The following RBM39 variants were observed in gnomAD, a reference collection of about 807,000 sequenced individuals.
RBM39 encodes RNA binding motif protein 39.
In RBM39, 12 loss-of-function variants were observed where a neutral mutation model predicts 79.6. The ratio of observed to expected loss-of-function variants is 0.15; its 90% confidence interval spans 0.10 to 0.24. RBM39 has a LOEUF of 0.24. RBM39 is among the 10% of genes least tolerant of loss of function. The probability of loss-of-function intolerance (pLI) is 1.00; values close to 1 mark genes in which losing one functional copy is unlikely to be tolerated. For missense variants in RBM39, 243 were observed against 653.4 expected, an observed-to-expected ratio of 0.37 and a Z score of 6.85; for synonymous variants, 185 against 208.4, an observed-to-expected ratio of 0.89 and a Z score of 0.97.
Position 35,739,192 on chromosome 20 carries a change from T to C in RBM39, c.52-175A>G, listed in dbSNP as rs1324949372. 8 of 651,626 alleles carry C rather than the reference T, an allele frequency of 1.2e-5. No individual in the cohort carries two copies. In the East Asian group the frequency reaches 2.3e-4, roughly 18 times the overall value. 40.4% of individuals were successfully genotyped at this position (651,626 alleles called of 1,614,324 possible). ...TTAGATGGGTATGTGTTTAACCACTTTGTTGCTTACATTTAAGTCATCAAG... is the reference window on the plus strand; with the variant it reads ...TTAGATGGGTATGTGTTTAACCACTCTGTTGCTTACATTTAAGTCATCAAG... On this transcript the variant is annotated intron_variant, in intron 2 of 16. Transcript: ENST00000253363.
intron 10 of RBM39, among the ~76,000 whole-genome samples, 159 bp from the exon 11 acceptor site, chr20:35,714,548 TGAC>T (rs138294969): frequency 0.019 from 2,899 of 152,312 alleles, 91 homozygotes; most frequent in African/African-American, 0.066. Flanking sequence ...ACATACATGA[TGAC>T]GACGCTAGCT....
chr20:35,728,019 C>T (rs1158878177), intron 6 of RBM39, among the ~76,000 whole-genome samples: 4 of 152,018 alleles, frequency 2.6e-5, no homozygotes, highest in Non-Finnish European at 5.9e-5. Context: ...ATCTCTTGAC[C>T]TTGTGGATCC....
At chr20:35,722,494 T>C (rs937267135) in intron 8 of RBM39, among the ~76,000 whole-genome samples, 6 of 141,760 alleles carry the variant, frequency 4.2e-5, no homozygotes, top group African/African-American at 1.7e-4. Flanking sequence ...TCTCACACTA[T>C]GTTGCCCAAG....
At chr20:35,729,246 A>G in intron 6 of RBM39, 66 bp downstream of exon 6, 2 of 1,367,558 alleles carry the variant, frequency 1.5e-6, no homozygotes, top group Non-Finnish European at 9.9e-7. Flanking sequence ...AAATATCATC[A>G]AATTTAACAG....
At chr20:35,726,471 C>G (rs551281526) in intron 6 of RBM39, among the ~76,000 whole-genome samples, 9 of 152,204 alleles carry the variant, frequency 5.9e-5, no homozygotes, top group African/African-American at 2.2e-4. Flanking sequence ...CAACCAGAAG[C>G]CTGACAGTTT....
At chr20:35,707,773 G>C in intron 13 of RBM39, 1 of 269,444 alleles carries the variant, frequency 3.7e-6, no homozygotes, top group South Asian at 3.3e-5. Context: ...TTTTAAAAAT[G>C]TTTTCGCACA....
In RBM39 at chr20:35,729,411, T is replaced by C. The variant is rs576920258; in HGVS notation, c.363-46A>G. The C allele has an allele frequency of 1.6e-5, 25 of 1,608,080 alleles. 1 individual carries two copies. In the South Asian group the frequency reaches 2.2e-4, roughly 14 times the overall value. The stretch of plus-strand genomic sequence containing the variant: ...AGAAGTTATCCAAACAAGTACAGCA[T>C]GTTAGTTCCTTGAAAAACAATTTAA... On this transcript the variant is annotated intron_variant, in intron 5 of 16. Coordinates refer to ENST00000253363, the MANE Select transcript of RBM39 (RefSeq NM_184234.3).
At chr20:35,732,697 T>G (rs1390223039) in intron 3 of RBM39, 1 of 152,934 alleles carries the variant, frequency 6.5e-6, no homozygotes, top group Non-Finnish European at 1.5e-5. Flanking sequence ...AGCTATAGCT[T>G]TAACAAGCAA....
chr20:35,737,437 G>C (rs1221771964), intron 3 of RBM39, among the ~76,000 whole-genome samples: 1 of 150,878 alleles, frequency 6.6e-6, no homozygotes, highest in African/African-American at 2.4e-5. Context: ...GCAGGAACCT[G>C]TAATCCCAGC....
chr20:35,741,224 G>A (rs2040497270), intron 1 of RBM39, among the ~76,000 whole-genome samples: 1 of 150,722 alleles, frequency 6.6e-6, no homozygotes, highest in South Asian at 2.1e-4. Context: ...GGTAGAGACG[G>A]GGTTTCACCA....
rs1052990284 is a variant in RBM39 at position 35,735,208 on chromosome 20, G to A, written c.102-3073C>T. On this transcript the variant is annotated intron_variant, in intron 3 of 16. Coordinates refer to ENST00000253363, the MANE Select transcript of RBM39 (RefSeq NM_184234.3). ...ATCTTTTATTGAGTAATTCTCTAAA[G>A]AGCTTAACGGAATGGACGCTGATTT... 8 of 1,284,658 alleles carry A rather than the reference G, an allele frequency of 6.2e-6. No homozygotes were observed. In the African/African-American group the frequency reaches 7.6e-5, roughly 12 times the overall value. The allele number at this position is 1,284,658 out of a possible 1,614,324, so 79.6% of individuals were successfully genotyped here. A position where few individuals can be genotyped will look rare whatever the true frequency, so the allele number is the denominator to read the frequency against.
At chr20:35,714,410 G>A (rs897210155) in intron 10 of RBM39, 21 bp from the exon 11 acceptor site, 7 of 1,606,362 alleles carry the variant, frequency 4.4e-6, no homozygotes, top group Non-Finnish European at 5.1e-6. Context: ...GGGGAGGCAA[G>A]GACAGGAGAC....
rs777356220 is a variant in RBM39, at chr20:35,732,087, G to A, written c.150C>T (p.Ser50=). 7 of 1,613,176 alleles carry A rather than the reference G, an allele frequency of 4.3e-6. No homozygotes were observed. Among genetic ancestry groups the A allele is most frequent in the South Asian group, 1.1e-5 (1 of 91,062 alleles). Residue 50 remains serine (S), a synonymous_variant, in exon 4 of 17, where the codon AGC becomes AGT. Transcript: ENST00000253363. ...SRSRSHERKR[S]KSKERKRSRD... is the part of the protein sequence containing the mutation. ...TACTTCGCTTCCGTTCCTTACTTTT[G>A]CTTCTCTTTCGTTCATGACTACGAC...
At chr20:35,720,966 G>A (rs1468703730) in intron 9 of RBM39, among the ~76,000 whole-genome samples, 2 of 145,192 alleles carry the variant, frequency 1.4e-5, no homozygotes, top group African/African-American at 5.4e-5. Flanking sequence ...TAAAGGTAAG[G>A]GTCTCGCCAG....
In RBM39 at chr20:35,714,186, C is replaced by T. The variant is rs1272465767; in HGVS notation, c.1095G>A (p.Glu365=). The T allele has an allele frequency of 6.2e-7, 1 of 1,612,252 alleles. No individual in the cohort carries two copies. The highest frequency in any genetic ancestry group is 8.5e-7 in the Non-Finnish European group (1 of 1,179,236). ...GRLQLMARLA[E]GTGLQIPPAA... is the part of the protein sequence containing the mutation. ...TTCGTAATAGCAAGAAACACTTACC[C>T]TCTGCAAGTCTTGCCATTAACTGAA... Residue 365 remains glutamate, a splice_region_variant and synonymous_variant, in exon 11 of 17, where the codon GAG becomes GAA. Coordinates refer to ENST00000253363, the MANE Select transcript of RBM39 (RefSeq NM_184234.3).
intron 2 of RBM39, chr20:35,739,240 C>T (rs747601495): frequency 5.3e-6 from 3 of 561,346 alleles, no homozygotes; most frequent in African/African-American, 1.9e-5. Context: ...AAAAATTTTC[C>T]ATATTAACAT....
chr20:35,707,273 G>A (rs966750408), intron 13 of RBM39, 72 bp from the exon 14 acceptor site: 84 of 1,102,920 alleles, frequency 7.6e-5, no homozygotes, highest in Non-Finnish European at 1.0e-4. Flanking sequence ...ACTTTAAAAC[G>A]AAACCAAAAA....
chr20:35,719,244 C>A (rs1269375577), intron 9 of RBM39, among the ~76,000 whole-genome samples: 5 of 152,094 alleles, frequency 3.3e-5, no homozygotes, highest in African/African-American at 1.2e-4. Context: ...GCTGGCCAGA[C>A]TGGTCTCGAA....
At chr20:35,713,160 C>A in intron 11 of RBM39, 64 bp from the exon 12 acceptor site, 2 of 1,351,710 alleles carry the variant, frequency 1.5e-6, no homozygotes, top group South Asian at 1.2e-5. Context: ...TTTCCTGGGT[C>A]ATTAATATCA....
Sources: allele counts gnomAD v4.1 joint callset (sites outside exome capture counted in the v4.1 genomes callset), GRCh38; gene constraint gnomAD v4.1.1; transcripts MANE v1.5; gene names NCBI Gene and HGNC (gene_info 2026-07-23, HGNC 2026-07-21).